The following PPP2R1A variants were observed in gnomAD, a reference collection of about 807,000 sequenced individuals.
The protein encoded by PPP2R1A is serine/threonine-protein phosphatase 2A 65 kDa regulatory subunit A alpha isoform.
A neutral mutation model predicts 67.1 loss-of-function variants in PPP2R1A; 15 were observed. The observed-to-expected ratio is 0.22, with a 90% CI of 0.15 to 0.34. The LOEUF is 0.34. Among genes scored for constraint, PPP2R1A ranks in the 10% least tolerant of loss-of-function variants. The probability of loss-of-function intolerance (pLI) is 1.00; values close to 1 mark genes in which losing one functional copy is unlikely to be tolerated. For synonymous variants in PPP2R1A, 337 were observed against 325.0 expected, an observed-to-expected ratio of 1.04 and a Z score of -0.40; for missense variants, 369 against 775.0, an observed-to-expected ratio of 0.48 and a Z score of 6.22.
rs2122334115 is a variant in PPP2R1A at position 52,212,681 on chromosome 19, C to T, written c.504-5C>T. Reference sequence around the variant, plus strand: ...TGCCTCAGGATCCCCGTCCCCGACTCCCAGGTACTTCCGGAACCTGTGCTC... The same window carrying T: ...TGCCTCAGGATCCCCGTCCCCGACTTCCAGGTACTTCCGGAACCTGTGCTC... On this transcript the variant is annotated splice_polypyrimidine_tract_variant and splice_region_variant and intron_variant, in intron 4 of 14. Coordinates refer to ENST00000322088, the MANE Select transcript of PPP2R1A (RefSeq NM_014225.6). The surrounding 1 kb of genome is among the most constrained non-coding windows in gnomAD (Gnocchi z 4.1). The T allele has an allele frequency of 6.2e-7, 1 of 1,612,722 alleles. No homozygotes were observed. Among genetic ancestry groups the T allele is most frequent in the South Asian group, 1.1e-5 (1 of 91,076 alleles).
At position 52,213,563 on chromosome 19, in the gene PPP2R1A, G is replaced by C. The variant is rs1331816197; in HGVS notation, c.807+453G>C. On this transcript the variant is annotated intron_variant, in intron 6 of 14. Coordinates refer to ENST00000322088, the MANE Select transcript of PPP2R1A (RefSeq NM_014225.6). The surrounding 1 kb of genome is among the most constrained non-coding windows in gnomAD (Gnocchi z 4.2). ...GGTGGCGCAATCTTGGCTCACTGCAGCCTGTCCCTCCCGGGTGCAGGCATT... is the reference window on the plus strand; with the variant it reads ...GGTGGCGCAATCTTGGCTCACTGCACCCTGTCCCTCCCGGGTGCAGGCATT... Among the ~76,000 whole-genome samples the C allele has an allele frequency of 7.0e-6, 1 of 142,802 alleles. No individual in the cohort carries two copies. The highest frequency in any genetic ancestry group is 2.3e-4 in the South Asian group (1 of 4,364). 93.7% of individuals were successfully genotyped at this position (142,802 alleles called of 152,430 possible).
chr19:52,214,431 G>A (rs1266722488), intron 6 of PPP2R1A, among the ~76,000 whole-genome samples: 1 of 152,200 alleles, frequency 6.6e-6, no homozygotes, highest in East Asian at 1.9e-4. Context: ...TGTCTCCTGA[G>A]CTGCATAAAC....
At chr19:52,209,016 G>A (rs1354277182) in intron 3 of PPP2R1A, among the ~76,000 whole-genome samples, 2 of 152,204 alleles carry the variant, frequency 1.3e-5, no homozygotes, top group African/African-American at 4.8e-5. Flanking sequence ...TTTCTTAAAT[G>A]TGTACCTTCC....
At chr19:52,190,824 AG>A (rs2089447266) in intron 1 of PPP2R1A, among the ~76,000 whole-genome samples, 1 of 152,140 alleles carries the variant, frequency 6.6e-6, no homozygotes, top group South Asian at 2.1e-4. Context: ...TGACCAGGAT[AG>A]GGGTTGAGGG....
chr19:52,192,351 A>G (rs1202388057), intron 1 of PPP2R1A, among the ~76,000 whole-genome samples: 3 of 148,950 alleles, frequency 2.0e-5, no homozygotes, highest in Non-Finnish European at 4.4e-5. Context: ...TCTGTTTCCC[A>G]GGCTGGAGTG....
Position 52,220,985 on chromosome 19 carries a change from C to G in PPP2R1A, c.1370C>G (p.Ala457Gly). The change falls in exon 12 of 15, where the codon GCC becomes GGC. Residue 457 changes from alanine to glycine, a missense_variant. This residue lies in a region of PPP2R1A where 276 missense variants were observed against 508.4 expected (regional missense o/e 0.54). Transcript: ENST00000322088. Reference sequence around the variant, plus strand: ...CACCCTCACCCTTCTGCAGTATATGCCATCCGCGAGGCAGCCACCAGCAAC... The same window carrying G: ...CACCCTCACCCTTCTGCAGTATATGGCATCCGCGAGGCAGCCACCAGCAAC... ...CMAWLVDHVY[A>G]IREAATSNLK... 1 of 1,614,192 alleles carries G rather than the reference C, an allele frequency of 6.2e-7. No homozygotes were observed. Among genetic ancestry groups the G allele is most frequent in the Non-Finnish European group, 8.5e-7 (1 of 1,180,006 alleles).
intron 1 of PPP2R1A, among the ~76,000 whole-genome samples, chr19:52,194,483 T>C (rs1311366521): frequency 1.3e-5 from 2 of 152,006 alleles, no homozygotes; most frequent in Non-Finnish European, 2.9e-5. Context: ...TGGGTTCTGG[T>C]ATAATTTTAA....
intron 3 of PPP2R1A, among the ~76,000 whole-genome samples, chr19:52,210,586 G>A (rs1378253310): frequency 1.3e-5 from 2 of 150,142 alleles, no homozygotes; most frequent in Non-Finnish European, 3.0e-5. Context: ...TCTGCCTCCC[G>A]GGTTCAAGGA....
chr19:52,198,339 A>G (rs775983101), intron 1 of PPP2R1A, among the ~76,000 whole-genome samples: 5 of 152,150 alleles, frequency 3.3e-5, no homozygotes, highest in South Asian at 2.1e-4. Flanking sequence ...CAGAATCCCA[A>G]AGAACAGCAG....
At chr19:52,221,223 C>T (rs1978906482) in intron 12 of PPP2R1A, 90 bp downstream of exon 12, 1 of 1,533,058 alleles carries the variant, frequency 6.5e-7, no homozygotes, top group Non-Finnish European at 8.9e-7. Context: ...AAGGGAGACA[C>T]CTGGCTTGGG....
chr19:52,190,656 T>C (rs527389435), intron 1 of PPP2R1A, among the ~76,000 whole-genome samples: 1 of 152,274 alleles, frequency 6.6e-6, no homozygotes, highest in Admixed American at 6.5e-5. Flanking sequence ...AGGCCTGCCA[T>C]CCTAATTCCT....
chr19:52,223,344 G>A (rs760340361), intron 13 of PPP2R1A, among the ~76,000 whole-genome samples: 154 of 152,294 alleles, frequency 1.0e-3, no homozygotes, highest in Non-Finnish European at 2.0e-3. Context: ...AGTTAGCGTA[G>A]GCACAGATTT....
intron 13 of PPP2R1A, among the ~76,000 whole-genome samples, chr19:52,224,002 A>T (rs1979100274): frequency 6.6e-6 from 1 of 152,244 alleles, no homozygotes; most frequent in African/African-American, 2.4e-5. Context: ...TAGTTCATTC[A>T]AACAGTGGAA....
rs1228158132 is a variant in PPP2R1A, at chr19:52,213,569, C to G, written c.807+459C>G. On this transcript the variant is annotated intron_variant, in intron 6 of 14. Transcript: ENST00000322088. The surrounding 1 kb of genome is among the most constrained non-coding windows in gnomAD (Gnocchi z 4.2). ...GCAATCTTGGCTCACTGCAGCCTGTCCCTCCCGGGTGCAGGCATTTCTCCT... is the reference window on the plus strand; with the variant it reads ...GCAATCTTGGCTCACTGCAGCCTGTGCCTCCCGGGTGCAGGCATTTCTCCT... Among the ~76,000 whole-genome samples the G allele has an allele frequency of 6.8e-6, 1 of 146,792 alleles. No individual in the cohort carries two copies. The highest frequency in any genetic ancestry group is 1.5e-5 in the Non-Finnish European group (1 of 67,204).
chr19:52,195,765 T>C (rs1023530877), intron 1 of PPP2R1A, among the ~76,000 whole-genome samples: 2 of 152,154 alleles, frequency 1.3e-5, no homozygotes, highest in Non-Finnish European at 2.9e-5. Flanking sequence ...GGAAGGGGTG[T>C]GGAGCTTCCA....
chr19:52,226,238 G>A lies in PPP2R1A; in HGVS notation c.*257G>A. ...GAAGGGGCTACTCCGCCCACGTCAG[G>A]GAGAGATGTGAGCATCCCGGGTCAC... is the stretch of plus-strand genomic sequence containing the variant. On this transcript the variant is annotated 3_prime_UTR_variant, in exon 15 of 15. Transcript: ENST00000322088. The A allele has an allele frequency of 1.8e-6, 1 of 559,610 alleles. No homozygotes were observed. The highest frequency in any genetic ancestry group is 2.6e-5 in the South Asian group (1 of 38,680). The allele number at this position is 559,610 out of a possible 1,614,324, so 34.7% of individuals were successfully genotyped here.
At chr19:52,204,142 C>T (rs1460597241) in intron 2 of PPP2R1A, among the ~76,000 whole-genome samples, 2 of 152,138 alleles carry the variant, frequency 1.3e-5, no homozygotes, top group Non-Finnish European at 1.5e-5. Context: ...TGGGGAGAGG[C>T]AGATGTAAGC....
chr19:52,215,348 G>A (rs890839850), intron 6 of PPP2R1A, among the ~76,000 whole-genome samples: 3 of 152,170 alleles, frequency 2.0e-5, no homozygotes, highest in African/African-American at 7.2e-5. Flanking sequence ...ATGAGCCATC[G>A]CACTTGGCCT....
intron 12 of PPP2R1A, among the ~76,000 whole-genome samples, chr19:52,221,547 G>T (rs531796062): frequency 6.6e-6 from 1 of 152,116 alleles, no homozygotes; most frequent in Non-Finnish European, 1.5e-5. Context: ...TTACCTAACC[G>T]ATGCTTTGGT....
Sources: gnomAD v4.1 joint callset for allele counts (sites outside exome capture counted in the v4.1 genomes callset) on GRCh38, gnomAD v4.1.1 for gene constraint, gnomAD v4.1.1 regional missense constraint, Gnocchi (gnomAD v3.1) non-coding constraint, MANE v1.5 for transcripts, NCBI Gene and HGNC (gene_info 2026-07-23, HGNC 2026-07-21) for gene names.